USP47: variants seen among roughly 807,000 people sequenced by gnomAD.
USP47 encodes the protein ubiquitin carboxyl-terminal hydrolase 47.
USP47 carries 35 observed loss-of-function variants against 165.1 expected under a neutral mutation model. The observed-to-expected ratio is 0.21, with a 90% CI of 0.16 to 0.28. USP47 has a LOEUF of 0.28. Ranked by LOEUF, USP47 falls within the 10% of genes least tolerant of loss-of-function variation. The probability of loss-of-function intolerance (pLI) is 1.00; values close to 1 mark genes in which losing one functional copy is unlikely to be tolerated. For synonymous variants in USP47, 531 were observed against 544.5 expected, an observed-to-expected ratio of 0.98 and a Z score of 0.35; for missense variants, 1,277 against 1,607.4, an observed-to-expected ratio of 0.79 and a Z score of 3.52.
At chr11:11,895,595 A>C (rs1344925313) in intron 4 of USP47, among the ~76,000 whole-genome samples, 2 of 152,188 alleles carry the variant, frequency 1.3e-5, no homozygotes, top group Non-Finnish European at 2.9e-5. Context: ...GGTACTCAAC[A>C]TACTCTTTCC....
intron 1 of USP47, among the ~76,000 whole-genome samples, chr11:11,872,996 G>T (rs1850166942): frequency 6.6e-6 from 1 of 152,116 alleles, no homozygotes; most frequent in African/African-American, 2.4e-5. Flanking sequence ...ACTGGTATAT[G>T]AAATTGTCCT....
At chr11:11,904,162 A>G (rs1366113040) in intron 7 of USP47, among the ~76,000 whole-genome samples, 5 of 152,224 alleles carry the variant, frequency 3.3e-5, no homozygotes, top group Non-Finnish European at 5.9e-5. Flanking sequence ...AGTTATATGC[A>G]CTGGGTTGCA....
At position 11,929,578 on chromosome 11, in the gene USP47, C is replaced by A. The variant is rs1411735705; in HGVS notation, c.1518+13C>A. On this transcript the variant is annotated intron_variant, in intron 12 of 27. Transcript: ENST00000527733. ...ACATGTCAGCAGGGTAAGGAGGTGT[C>A]CTTTAAGATTATTACTCTGAAAGGT... 2.5e-6 allele frequency: 4 copies of A among 1,608,676 alleles called. No homozygotes were observed. The highest frequency in any genetic ancestry group is 1.1e-5 in the South Asian group (1 of 89,796).
intron 2 of USP47, among the ~76,000 whole-genome samples, chr11:11,881,813 C>A (rs993000657): frequency 6.6e-6 from 1 of 152,116 alleles, no homozygotes; most frequent in Admixed American, 6.6e-5. Flanking sequence ...TGATTCCATT[C>A]ATGAGGGCTC....
intron 19 of USP47, among the ~76,000 whole-genome samples, chr11:11,941,387 A>G (rs1855460035): frequency 1.3e-5 from 2 of 151,992 alleles, no homozygotes; most frequent in Non-Finnish European, 2.9e-5. Context: ...TCAATTTGTA[A>G]CATTTACTGA....
chr11:11,908,591 A>G (rs940111741), intron 8 of USP47, among the ~76,000 whole-genome samples: 35 of 152,096 alleles, frequency 2.3e-4, no homozygotes, highest in African/African-American at 8.0e-4. Context: ...TCCACAATCA[A>G]TTTTTATGGG....
At chr11:11,940,652 T>A in intron 19 of USP47, 104 bp downstream of exon 19, 2 of 1,251,354 alleles carry the variant, frequency 1.6e-6, no homozygotes, top group Non-Finnish European at 2.2e-6. Context: ...AACATCTGTC[T>A]GGAACTTAAT....
chr11:11,881,194 G>GA (rs1850803604), intron 2 of USP47, among the ~76,000 whole-genome samples: 1 of 152,056 alleles, frequency 6.6e-6, no homozygotes, highest in African/African-American at 2.4e-5. Context: ...GCTTGTTGTG[G>GA]AAAAAGGGTG....
Position 11,949,995 on chromosome 11 carries a change from G to A in USP47, c.3455G>A (p.Ser1152Asn). ...AGGGAGCAATGTGGTTTAGAGCTCA[G>A]TATTGACAGGTAAAGTAAAATTAAT... ...QLREQCGLEL[S>N]IDRFRLRKKT... Residue 1152 changes from serine to asparagine, a missense_variant, in exon 23 of 28, where the codon AGT becomes AAT. Transcript: ENST00000527733. 1 of 1,604,896 alleles carries A rather than the reference G, an allele frequency of 6.2e-7. No homozygotes were observed. The highest frequency in any genetic ancestry group is 1.3e-5 in the African/African-American group (1 of 74,596).
At chr11:11,878,098 T>C (rs562345269) in intron 1 of USP47, among the ~76,000 whole-genome samples, 1 of 152,140 alleles carries the variant, frequency 6.6e-6, no homozygotes, top group Non-Finnish European at 1.5e-5. Flanking sequence ...TAGGATTTCA[T>C]TGAGGGATAA....
chr11:11,955,204 T>C (rs1291025518), intron 27 of USP47, 40 bp downstream of exon 27: 3 of 1,599,388 alleles, frequency 1.9e-6, no homozygotes, highest in Non-Finnish European at 2.6e-6. Flanking sequence ...AGTAATACAT[T>C]TTTGGCGTGC....
chr11:11,940,233 C>G (rs567820917), intron 18 of USP47, among the ~76,000 whole-genome samples, 196 bp from the exon 19 acceptor site: 1 of 152,090 alleles, frequency 6.6e-6, no homozygotes, highest in African/African-American at 2.4e-5. Context: ...ACTTTGTTCT[C>G]CTGATTTGCA....
intron 1 of USP47, among the ~76,000 whole-genome samples, chr11:11,853,027 C>G (rs542493201): frequency 2.0e-5 from 3 of 152,072 alleles, no homozygotes; most frequent in South Asian, 4.1e-4. Context: ...AGGATTCTTG[C>G]CTATCTTCTA....
At position 11,945,931 on chromosome 11, in the gene USP47, T is replaced by TCC. The variant is rs371273611; in HGVS notation, c.3092-2006_3092-2005dup. ...GCCTGGGCAACAGAGCGAGACCCTG[T>TCC]CCCCCCCCCAAAAAAAAAAGAAAAG... On this transcript the variant is annotated intron_variant, in intron 20 of 27. Transcript: ENST00000527733. 5.8e-5 allele frequency among the ~76,000 whole-genome samples: 7 copies of TCC among 120,412 alleles called. 1 individual carries two copies. Among genetic ancestry groups the TCC allele is most frequent in the Middle Eastern group, 8.5e-3 (2 of 236 alleles). 79.0% of individuals were successfully genotyped at this position (120,412 alleles called of 152,430 possible).
At chr11:11,842,350 T>C in intron 1 of USP47, 126 bp downstream of exon 1, 1 of 1,112,370 alleles carries the variant, frequency 9.0e-7, no homozygotes, top group East Asian at 2.8e-5. Flanking sequence ...TGAGGAGGCG[T>C]GAGGCAGTCG....
At chr11:11,944,029 T>G (rs1855660470) in intron 20 of USP47, among the ~76,000 whole-genome samples, 1 of 151,828 alleles carries the variant, frequency 6.6e-6, no homozygotes, top group South Asian at 2.1e-4. Context: ...GATGAATGAC[T>G]TGTCCAAAAG....
intron 8 of USP47, among the ~76,000 whole-genome samples, chr11:11,908,087 C>CAA (rs71453981): frequency 1.1e-3 from 172 of 150,558 alleles, no homozygotes; most frequent in Non-Finnish European, 1.9e-3. Flanking sequence ...GACTCTGTCT[C>CAA]AAAAAAAACA....
intron 20 of USP47, 28 bp from the exon 21 acceptor site, chr11:11,947,917 C>G (rs189669048): frequency 1.3e-5 from 21 of 1,564,604 alleles, no homozygotes; most frequent in South Asian, 2.4e-5. Context: ...CATTTTTGTT[C>G]CTGTTTTGGT....
intron 15 of USP47, 79 bp from the exon 16 acceptor site, chr11:11,933,752 C>G (rs995831400): frequency 1.0e-6 from 1 of 982,274 alleles, no homozygotes; most frequent in African/African-American, 1.6e-5. Context: ...AGTATTTTGA[C>G]AATTAGGAAT....
Sources: allele counts gnomAD v4.1 joint callset (sites outside exome capture counted in the v4.1 genomes callset), GRCh38; gene constraint gnomAD v4.1.1; transcripts MANE v1.5; gene names NCBI Gene and HGNC (gene_info 2026-07-23, HGNC 2026-07-21).